PRR27: variants seen among roughly 807,000 people sequenced by gnomAD.
The protein encoded by PRR27 is proline-rich protein 27.
A neutral mutation model predicts 16.8 loss-of-function variants in PRR27; 12 were observed. The observed-to-expected ratio is 0.71, with a 90% CI of 0.46 to 1.16. The LOEUF (loss-of-function observed/expected upper bound fraction) is 1.16. Among genes scored for constraint, PRR27 ranks in the 50% most tolerant of loss-of-function variants. The probability of loss-of-function intolerance (pLI) is 0.00; values close to 1 mark genes in which losing one functional copy is unlikely to be tolerated. For missense variants in PRR27, 277 were observed against 273.3 expected (o/e 1.01, Z -0.10); for synonymous variants, 100 against 98.4 (o/e 1.02, Z -0.10).
chr4:70,157,817 G>C (rs925236224), intron 2 of PRR27, among the ~76,000 whole-genome samples: 1 of 152,122 alleles, frequency 6.6e-6, no homozygotes, highest in African/African-American at 2.4e-5. Context: ...GAGATGCACA[G>C]TGTTAAAGGA....
At chr4:70,159,726 G>T (rs1728593962) in intron 3 of PRR27, among the ~76,000 whole-genome samples, 2 of 152,026 alleles carry the variant, frequency 1.3e-5, no homozygotes, top group Admixed American at 6.5e-5. Context: ...CTTTATTCTG[G>T]AATGCTATTA....
chr4:70,157,755 G>C (rs191512972), intron 2 of PRR27, among the ~76,000 whole-genome samples: 1 of 152,092 alleles, frequency 6.6e-6, no homozygotes. Context: ...TCTTGACCTC[G>C]TGATCCGCCC....
rs1395510912 is a variant in PRR27, at chr4:70,161,649, T to C, written c.*33+19T>C. 3.3e-6 allele frequency: 4 copies of C among 1,221,234 alleles called. No individual in the cohort carries two copies. The highest frequency in any genetic ancestry group is 3.1e-5 in the African/African-American group (2 of 65,318). 75.6% of individuals were successfully genotyped at this position (1,221,234 alleles called of 1,614,324 possible). On this transcript the variant is annotated intron_variant, in intron 4 of 4. Coordinates refer to ENST00000344526, the MANE Select transcript of PRR27 (RefSeq NM_214711.4). ...CATTTCTGTAAGTCATATGTGATAA[T>C]ATAATTTAGAAATTATAGATAAAGA...
At chr4:70,157,910 A>G (rs774966846) in intron 2 of PRR27, among the ~76,000 whole-genome samples, 8 of 152,190 alleles carry the variant, frequency 5.3e-5, no homozygotes, top group Non-Finnish European at 1.2e-4. Context: ...ATAATGAAGC[A>G]GAGGCTTCAG....
At position 70,154,554 on chromosome 4, in the gene PRR27, G is replaced by A. The variant is rs1445477915; in HGVS notation, c.51+128G>A. 1.0e-5 allele frequency: 9 copies of A among 873,812 alleles called. No homozygotes were observed. The Admixed American group carries it at 1.9e-4, about 19-fold the overall frequency. 54.1% of individuals were successfully genotyped at this position (873,812 alleles called of 1,614,324 possible). ...GCAGCAGAGAGACATAGATGGACAT[G>A]AGATTTGTAGTGTCAGACTTTTCAA... On this transcript the variant is annotated intron_variant, in intron 1 of 4. Transcript: ENST00000344526.
chr4:70,158,671 C>A lies in PRR27; in HGVS notation c.419C>A (p.Thr140Lys), dbSNP rs1470422733. 2.5e-6 allele frequency: 4 copies of A among 1,614,010 alleles called. No individual in the cohort carries two copies. The highest frequency in any genetic ancestry group is 2.2e-5 in the South Asian group (2 of 91,070). ...GAGCCTGCTGCAGCTGCACCTCTTA[C>A]AGCCACACCTGTAGCAGCTGAGCCT... ...AAEPAAAAPL[T>K]ATPVAAEPAA... The change falls in exon 3 of 5, where the codon ACA becomes AAA. Residue 140 changes from threonine (T) to lysine (K), a missense_variant. Transcript: ENST00000344526.
chr4:70,163,498 C>T lies in PRR27; in HGVS notation c.*837C>T, dbSNP rs1008853267. 6.6e-6 allele frequency: 1 copy of T among 152,066 alleles called. No individual in the cohort carries two copies. Among genetic ancestry groups the T allele is most frequent in the African/African-American group, 2.4e-5 (1 of 41,360 alleles). 9.4% of individuals were successfully genotyped at this position (152,066 alleles called of 1,614,324 possible). A position where few individuals can be genotyped will look rare whatever the true frequency, so the allele number is the denominator to read the frequency against. The stretch of plus-strand genomic sequence containing the variant: ...CTGGCTAATTTTTTGTAATTTAGTA[C>T]AGACAGGGGTTCCCTATGTTGGCCA... On this transcript the variant is annotated 3_prime_UTR_variant, in exon 5 of 5. Transcript: ENST00000344526.
rs1371473919 is a variant in PRR27 at position 70,164,035 on chromosome 4, A to T, written c.*1374A>T. ...TACTCTTCCCTGAGCACTCTATCTA[A>T]ATAAATCCCTCTTCTGCAACCCAGT... On this transcript the variant is annotated 3_prime_UTR_variant, in exon 5 of 5. Coordinates refer to ENST00000344526, the MANE Select transcript of PRR27 (RefSeq NM_214711.4). The T allele has an allele frequency of 6.6e-6, 1 of 152,066 alleles. No homozygotes were observed. The highest frequency in any genetic ancestry group is 1.5e-5 in the Non-Finnish European group (1 of 68,000). 9.4% of individuals were successfully genotyped at this position (152,066 alleles called of 1,614,324 possible).
Position 70,158,580 on chromosome 4 carries a change from C to G in PRR27, c.328C>G (p.Pro110Ala), listed in dbSNP as rs1056810418. The G allele has an allele frequency of 1.2e-6, 2 of 1,613,988 alleles. No homozygotes were observed. Reference sequence around the variant, plus strand: ...TCCTCCTCTCCCTCCTAGGGGTTTCCCGTTTGTCCCTCCTTCAAGGTTTTT... The same window carrying G: ...TCCTCCTCTCCCTCCTAGGGGTTTCGCGTTTGTCCCTCCTTCAAGGTTTTT... ...NVPPLPPRGF[P>A]FVPPSRFFSA... Residue 110 changes from proline (P) to alanine (A), a missense_variant, in exon 3 of 5, where the codon CCG becomes GCG. By Grantham distance (27) the Pro-to-Ala change is conservative. Transcript: ENST00000344526.
chr4:70,164,862 T>C lies in PRR27; in HGVS notation c.*2201T>C, dbSNP rs1170915100. 1 of 152,120 alleles carries C rather than the reference T, an allele frequency of 6.6e-6. No individual in the cohort carries two copies. Among genetic ancestry groups the C allele is most frequent in the Non-Finnish European group, 1.5e-5 (1 of 67,956 alleles). 9.4% of individuals were successfully genotyped at this position (152,120 alleles called of 1,614,324 possible). On this transcript the variant is annotated 3_prime_UTR_variant, in exon 5 of 5. Coordinates refer to ENST00000344526, the MANE Select transcript of PRR27 (RefSeq NM_214711.4). ...AGAATGTAGTCATTTGTTAAGTTTTTCATGGGGTAAAAGAAAGAATTTATT... is the reference window on the plus strand; with the variant it reads ...AGAATGTAGTCATTTGTTAAGTTTTCCATGGGGTAAAAGAAAGAATTTATT...
At position 70,158,958 on chromosome 4, in the gene PRR27, A is replaced by G. The variant is rs531609996; in HGVS notation, c.648+58A>G. ...TGAGAAATGAGATTTGTAGAAGGGG[A>G]AAAAAAAAAACCACTCCCCAAGCAA... On this transcript the variant is annotated intron_variant, in intron 3 of 4. Transcript: ENST00000344526. The G allele has an allele frequency of 3.7e-3, 3,320 of 899,056 alleles. 26 individuals carry two copies. The highest frequency in any genetic ancestry group is 0.027 in the South Asian group (930 of 34,078). The allele number at this position is 899,056 out of a possible 1,614,324, so 55.7% of individuals were successfully genotyped here.
At chr4:70,154,646 AG>A (rs1190805265) in intron 1 of PRR27, 18 of 869,976 alleles carry the variant, frequency 2.1e-5, no homozygotes, top group Non-Finnish European at 2.9e-5. Flanking sequence ...CAAGGAAAGG[AG>A]GTAAGTTCAT....
chr4:70,155,665 C>T (rs1441196220), intron 1 of PRR27, among the ~76,000 whole-genome samples: 1 of 150,834 alleles, frequency 6.6e-6, no homozygotes, highest in Non-Finnish European at 1.5e-5. Context: ...TTGCGCCCGT[C>T]GCAAAGGCCA....
intron 3 of PRR27, among the ~76,000 whole-genome samples, chr4:70,161,136 G>T (rs1391375864): frequency 1.7e-5 from 2 of 119,694 alleles, no homozygotes; most frequent in East Asian, 2.5e-4. Flanking sequence ...CTTTCCATCT[G>T]CTGGGGTATT....
intron 3 of PRR27, among the ~76,000 whole-genome samples, chr4:70,159,759 A>C (rs536172066): frequency 5.3e-5 from 8 of 152,308 alleles, no homozygotes; most frequent in African/African-American, 1.9e-4. Context: ...TTTACACTTT[A>C]TTAAACAGGA....
rs148747946 is a variant in PRR27 at position 70,160,142 on chromosome 4, C to T, written c.648+1242C>T. Among the ~76,000 whole-genome samples, 95 of 152,186 alleles carry T rather than the reference C, an allele frequency of 6.2e-4. 1 individual carries two copies. Among genetic ancestry groups the T allele is most frequent in the African/African-American group, 2.1e-3 (89 of 41,522 alleles). On this transcript the variant is annotated intron_variant, in intron 3 of 4. Transcript: ENST00000344526. Reference sequence around the variant, plus strand: ...AGGTTTAGAGAATGGATCCCTTCTCCCTGGTAGTGAGCACACTACCCAAGA... The same window carrying T: ...AGGTTTAGAGAATGGATCCCTTCTCTCTGGTAGTGAGCACACTACCCAAGA...
rs545719167 is a variant in PRR27, at chr4:70,166,410, T to C, written c.*3749T>C. Reference sequence around the variant, plus strand: ...CATAGTAAAAATCTTAACCCAAAACTGAAATAAAAAATTATAAGAGAAAAT... The same window carrying C: ...CATAGTAAAAATCTTAACCCAAAACCGAAATAAAAAATTATAAGAGAAAAT... On this transcript the variant is annotated 3_prime_UTR_variant, in exon 5 of 5. Transcript: ENST00000344526. 1.3e-5 allele frequency: 2 copies of C among 152,062 alleles called. No homozygotes were observed. Among genetic ancestry groups the C allele is most frequent in the East Asian group, 3.9e-4 (2 of 5,186 alleles). 9.4% of individuals were successfully genotyped at this position (152,062 alleles called of 1,614,324 possible).
chr4:70,162,466 C>A (rs1271298272), intron 4 of PRR27, among the ~76,000 whole-genome samples: 2 of 152,066 alleles, frequency 1.3e-5, no homozygotes, highest in Non-Finnish European at 2.9e-5. Flanking sequence ...GTTAAATGAA[C>A]AATTGGCTAG....
Position 70,158,836 on chromosome 4 carries a change from C to T in PRR27, c.584C>T (p.Pro195Leu). The change falls in exon 3 of 5, where the codon CCA becomes CTA. Residue 195 changes from proline (P) to leucine (L), a missense_variant. Coordinates refer to ENST00000344526, the MANE Select transcript of PRR27 (RefSeq NM_214711.4). ...GAGCCAGCTGCAGAGGAACCTTCAC[C>T]AGCTGAGCCTGCTACAGCCAAGCCT... is the stretch of plus-strand genomic sequence containing the variant. ...GVEPAAEEPS[P>L]AEPATAKPAA... The T allele has an allele frequency of 6.2e-7, 1 of 1,614,038 alleles. No homozygotes were observed.
Sources: gnomAD v4.1 joint callset for allele counts (sites outside exome capture counted in the v4.1 genomes callset) on GRCh38, gnomAD v4.1.1 for gene constraint, MANE v1.5 for transcripts, NCBI Gene and HGNC (gene_info 2026-07-23, HGNC 2026-07-21) for gene names.